Variants in SEC24A observed in about 807,000 individuals in gnomAD.
SEC24A encodes the protein SEC24 homolog A, COPII component, also known as protein transport protein Sec24A.
Under a neutral mutation model 129.4 loss-of-function variants are expected in SEC24A, and 93 were observed. That is an observed-to-expected ratio of 0.72 (90% CI 0.61 to 0.85). SEC24A has a LOEUF of 0.85. SEC24A is among the 40% of genes least tolerant of loss of function. The probability of loss-of-function intolerance (pLI) is 0.00; values close to 1 mark genes in which losing one functional copy is unlikely to be tolerated. For missense variants in SEC24A, 1,264 were observed against 1,307.4 expected (o/e 0.97, Z 0.51); for synonymous variants, 460 against 467.3 (o/e 0.98, Z 0.20).
chr5:134,696,501 CAT>C (rs547301133), intron 13 of SEC24A, among the ~76,000 whole-genome samples: 68 of 151,742 alleles, frequency 4.5e-4, no homozygotes, highest in African/African-American at 1.5e-3. Context: ...TTTTAAAAAA[CAT>C]ATATATATTT....
At position 134,703,839 on chromosome 5, in the gene SEC24A, G is replaced by T. The variant is rs375274847; in HGVS notation, c.2347G>T (p.Ala783Ser). 8 of 1,610,740 alleles carry T rather than the reference G, an allele frequency of 5.0e-6. No homozygotes were observed. The highest frequency in any genetic ancestry group is 2.7e-5 in the African/African-American group (2 of 74,816). ...LLSLPNVNPD[A>S]GYAVQMSVEE... The stretch of plus-strand genomic sequence containing the variant: ...GTCTTTGCCTAACGTCAACCCAGAC[G>T]CTGGGTATGCAGTACAGATGTCAGT... Residue 783 changes from alanine (A) to serine (S), a missense_variant, in exon 16 of 23, where the codon GCT becomes TCT. Coordinates refer to ENST00000398844, the MANE Select transcript of SEC24A (RefSeq NM_021982.3).
intron 2 of SEC24A, 39 bp downstream of exon 2, chr5:134,661,625 G>A (rs1750465691): frequency 2.7e-6 from 4 of 1,463,658 alleles, no homozygotes; most frequent in African/African-American, 1.4e-5. Context: ...GTAGAAATGT[G>A]AAACTTTTGC....
At chr5:134,661,798 T>C (rs1975505) in intron 2 of SEC24A, among the ~76,000 whole-genome samples, 1 of 147,424 alleles carries the variant, frequency 6.8e-6, no homozygotes, top group African/African-American at 2.5e-5. Flanking sequence ...TCATTAGTAG[T>C]TTTTTTTTTC....
chr5:134,683,618 A>G (rs55812865), intron 9 of SEC24A, among the ~76,000 whole-genome samples: 10,736 of 152,194 alleles, frequency 0.071, 474 homozygotes, highest in South Asian at 0.13. Context: ...GGCTCAAGCA[A>G]TTCTCCTGCC....
rs748638214 is a variant in SEC24A, at chr5:134,675,149, G to A, written c.1083G>A (p.Pro361=). 7 of 1,613,376 alleles carry A rather than the reference G, an allele frequency of 4.3e-6. No homozygotes were observed. The African/African-American group carries it at 5.3e-5, about 12-fold the overall frequency. Residue 361 remains proline, a synonymous_variant, in exon 6 of 23, where the codon CCG becomes CCA. Transcript: ENST00000398844. ...VNLLQERNML[P]STPLKPPVPN... ...TTCTTCAAGAAAGAAACATGCTTCCGTCAACACCTTTGAAGCCTCCAGTTC... is the reference window on the plus strand; with the variant it reads ...TTCTTCAAGAAAGAAACATGCTTCCATCAACACCTTTGAAGCCTCCAGTTC...
chr5:134,720,188 C>G (rs1440541581), intron 20 of SEC24A, among the ~76,000 whole-genome samples: 1 of 152,194 alleles, frequency 6.6e-6, no homozygotes, highest in African/African-American at 2.4e-5. Flanking sequence ...CTTGTGCACT[C>G]CATTCGTGGT....
rs1326745926 is a variant in SEC24A, at chr5:134,703,810, T to TA, written c.2319dup (p.Leu774ThrfsTer5). 2 of 1,613,492 alleles carry TA rather than the reference T, an allele frequency of 1.2e-6. No homozygotes were observed. Among genetic ancestry groups the TA allele is most frequent in the South Asian group, 2.2e-5 (2 of 91,064 alleles). On this transcript the variant is annotated frameshift_variant, in exon 16 of 23. Transcript: ENST00000398844. LOFTEE classifies it high-confidence loss of function. ...AACTTCTTTGTTAGGTCAACCGACT[T>TA]ACTGTCTTTGCCTAACGTCAACCCA... is the stretch of plus-strand genomic sequence containing the variant.
chr5:134,690,670 C>T (rs894678943), intron 11 of SEC24A, among the ~76,000 whole-genome samples: 3 of 152,182 alleles, frequency 2.0e-5, no homozygotes, highest in Non-Finnish European at 4.4e-5. Context: ...AAGTGATTAT[C>T]CTTGTAATCC....
chr5:134,687,077 G>C (rs563460372), intron 10 of SEC24A, among the ~76,000 whole-genome samples, 175 bp downstream of exon 10: 1 of 152,072 alleles, frequency 6.6e-6, no homozygotes, highest in Non-Finnish European at 1.5e-5. Context: ...TCTATAGTTG[G>C]TAGGAAGAAT....
Position 134,708,762 on chromosome 5 carries a change from A to T in SEC24A, c.2601A>T (p.Leu867=), listed in dbSNP as rs1752236954. 6.2e-7 allele frequency: 1 copy of T among 1,614,058 alleles called. No individual in the cohort carries two copies. The highest frequency in any genetic ancestry group is 1.3e-5 in the African/African-American group (1 of 74,916). The change falls in exon 18 of 23, where the codon CTA becomes CTT. Residue 867 remains leucine, a synonymous_variant. Transcript: ENST00000398844. ...GTCTGAGTGACGCTCGGGATGCTCT[A>T]GTGAATGCAGTCATTGACTCCCTTT... The part of the protein sequence containing the change: ...TASLSDARDA[L]VNAVIDSLSA...
At chr5:134,703,011 T>G (rs988824957) in intron 15 of SEC24A, among the ~76,000 whole-genome samples, 4 of 152,078 alleles carry the variant, frequency 2.6e-5, no homozygotes, top group African/African-American at 9.7e-5. Flanking sequence ...GTGATCTGCC[T>G]GCACCAGCCT....
intron 14 of SEC24A, 70 bp from the exon 15 acceptor site, chr5:134,697,829 G>A: frequency 7.1e-7 from 1 of 1,415,284 alleles, no homozygotes; most frequent in Non-Finnish European, 9.7e-7. Flanking sequence ...TGATTCCAAT[G>A]TCTTTAGTTA....
rs750744196 is a variant in SEC24A, at chr5:134,693,942, G to C, written c.1986+9G>C. The C allele has an allele frequency of 8.7e-6, 14 of 1,608,242 alleles. No homozygotes were observed. The highest frequency in any genetic ancestry group is 1.2e-5 in the Non-Finnish European group (14 of 1,174,694). On this transcript the variant is annotated intron_variant, in intron 13 of 22. Transcript: ENST00000398844. ...ACAGGTCATCTGCTAAGGTTAGAGA[G>C]TCATGAAATGTCTGATAAGGTTTAT...
chr5:134,721,801 G>A (rs1752635678), intron 21 of SEC24A, among the ~76,000 whole-genome samples: 1 of 152,128 alleles, frequency 6.6e-6, no homozygotes, highest in Non-Finnish European at 1.5e-5. Context: ...GGACCTGGGA[G>A]GTTGAGGCTG....
intron 16 of SEC24A, among the ~76,000 whole-genome samples, 160 bp from the exon 17 acceptor site, chr5:134,705,167 C>G (rs1752123337): frequency 6.7e-6 from 1 of 148,456 alleles, no homozygotes; most frequent in South Asian, 2.1e-4. Context: ...ACTTAAACTC[C>G]TGAGCTCAAG....
intron 9 of SEC24A, among the ~76,000 whole-genome samples, chr5:134,684,321 T>A (rs1052162137): frequency 3.5e-4 from 48 of 137,294 alleles, no homozygotes; most frequent in Non-Finnish European, 5.2e-4. Context: ...AAAAAAAAAA[T>A]TAATATATTT....
At chr5:134,668,219 A>AATC (rs1431553357) in intron 3 of SEC24A, among the ~76,000 whole-genome samples, 4 of 152,200 alleles carry the variant, frequency 2.6e-5, no homozygotes, top group African/African-American at 7.2e-5. Context: ...TACTGAATAC[A>AATC]ATCAATATTA....
At chr5:134,668,963 T>G (rs1750759973) in intron 3 of SEC24A, among the ~76,000 whole-genome samples, 2 of 150,634 alleles carry the variant, frequency 1.3e-5, no homozygotes, top group African/African-American at 4.9e-5. Flanking sequence ...TCCCAGCTAC[T>G]TGGGAGACTG....
At chr5:134,684,385 CA>C (rs1751379932) in intron 9 of SEC24A, among the ~76,000 whole-genome samples, 1 of 151,494 alleles carries the variant, frequency 6.6e-6, no homozygotes, top group South Asian at 2.1e-4. Flanking sequence ...TATGAGGAAC[CA>C]GTCTCCTTAC....
Sources: allele counts gnomAD v4.1 joint callset (sites outside exome capture counted in the v4.1 genomes callset), GRCh38; gene constraint gnomAD v4.1.1; transcripts MANE v1.5; gene names NCBI Gene and HGNC (gene_info 2026-07-23, HGNC 2026-07-21).